Variants in GRM7 observed in about 807,000 individuals in gnomAD.
The protein encoded by GRM7 is glutamate metabotropic receptor 7.
In GRM7, 35 loss-of-function variants were observed where a neutral mutation model predicts 84.5. The ratio of observed to expected loss-of-function variants is 0.41; its 90% CI spans 0.32 to 0.55. The LOEUF (loss-of-function observed/expected upper bound fraction) is 0.55. Among genes scored for constraint, GRM7 ranks in the 20% least tolerant of loss-of-function variants. The probability of loss-of-function intolerance (pLI) is 0.19; values close to 1 mark genes in which losing one functional copy is unlikely to be tolerated. For synonymous variants in GRM7, 487 were observed against 455.1 expected (o/e 1.07, Z -0.89); for missense variants, 1,003 against 1,194.6 (o/e 0.84, Z 2.36).
chr3:7,031,392 T>C (rs921199569), intron 1 of GRM7, among the ~76,000 whole-genome samples: 20 of 150,592 alleles, frequency 1.3e-4, no homozygotes, highest in African/African-American at 5.0e-5. Flanking sequence ...AATACTTTTT[T>C]TAAATTTTTT....
At position 7,693,669 on chromosome 3, in the gene GRM7, C is replaced by A. The variant is rs767286614; in HGVS notation, c.2698+13374C>A. On this transcript the variant is annotated intron_variant, in intron 9 of 9. Transcript: ENST00000357716. ...AACTGCTACTGACCATCTGCACTGG[C>A]ATCTAGTCAAGCGATTGTCTGAGGC... 70 of 1,529,316 alleles carry A rather than the reference C, an allele frequency of 4.6e-5. No individual in the cohort carries two copies. The South Asian group carries it at 8.2e-4, about 18-fold the overall frequency. The allele number at this position is 1,529,316 out of a possible 1,614,324, so 94.7% of individuals were successfully genotyped here. A position where few individuals can be genotyped will look rare whatever the true frequency, so the allele number is the denominator to read the frequency against.
intron 1 of GRM7, among the ~76,000 whole-genome samples, chr3:7,056,510 G>A (rs1697227260): frequency 6.6e-6 from 1 of 151,918 alleles, no homozygotes; most frequent in Non-Finnish European, 1.5e-5. Context: ...GAGACATTTA[G>A]GACCACAAAA....
At chr3:7,005,597 C>T (rs1449082554) in intron 1 of GRM7, among the ~76,000 whole-genome samples, 3 of 152,170 alleles carry the variant, frequency 2.0e-5, no homozygotes, top group Admixed American at 6.5e-5. Flanking sequence ...TAACTTGGCT[C>T]ATCATGAAAC....
intron 4 of GRM7, among the ~76,000 whole-genome samples, chr3:7,326,942 A>G (rs1203565552): frequency 6.6e-6 from 1 of 152,118 alleles, no homozygotes; most frequent in African/African-American, 2.4e-5. Flanking sequence ...TATCAAAATT[A>G]TATTTAAATA....
chr3:6,888,758 A>G (rs1387554864), intron 1 of GRM7, among the ~76,000 whole-genome samples: 1 of 152,048 alleles, frequency 6.6e-6, no homozygotes, highest in Admixed American at 6.6e-5. Flanking sequence ...GTTTTTTCCA[A>G]TTCTGTGAAG....
chr3:6,950,476 G>A (rs1441521614), intron 1 of GRM7, among the ~76,000 whole-genome samples: 1 of 152,198 alleles, frequency 6.6e-6, no homozygotes, highest in Non-Finnish European at 1.5e-5. Flanking sequence ...ACTGGGGGGT[G>A]CCTCCCAGTT....
At chr3:6,888,755 C>G (rs1022748289) in intron 1 of GRM7, among the ~76,000 whole-genome samples, 4 of 152,046 alleles carry the variant, frequency 2.6e-5, no homozygotes, top group African/African-American at 9.7e-5. Context: ...GTAGTTTTTT[C>G]CAATTCTGTG....
intron 4 of GRM7, among the ~76,000 whole-genome samples, chr3:7,397,191 T>C (rs1472660358): frequency 6.6e-6 from 1 of 152,180 alleles, no homozygotes; most frequent in Non-Finnish European, 1.5e-5. Flanking sequence ...AACAAACTTA[T>C]CACCCAGGGA....
At chr3:7,402,327 G>A (rs1294503649) in intron 4 of GRM7, among the ~76,000 whole-genome samples, 1 of 152,174 alleles carries the variant, frequency 6.6e-6, no homozygotes, top group African/African-American at 2.4e-5. Context: ...AAAACAAGAT[G>A]TAGTTGTCTA....
intron 2 of GRM7, among the ~76,000 whole-genome samples, chr3:7,257,342 C>G (rs552374853): frequency 2.6e-5 from 4 of 152,262 alleles, no homozygotes; most frequent in African/African-American, 9.6e-5. Flanking sequence ...CTTGATCATT[C>G]AAGATCAAAA....
At chr3:7,195,971 A>ATTTATTGTG (rs1459797284) in intron 2 of GRM7, among the ~76,000 whole-genome samples, 1 of 152,134 alleles carries the variant, frequency 6.6e-6, no homozygotes, top group African/African-American at 2.4e-5. Flanking sequence ...ATACAGGTAT[A>ATTTATTGTG]CTTGTATATC....
At chr3:7,620,991 G>T (rs1218860384) in intron 8 of GRM7, among the ~76,000 whole-genome samples, 1 of 152,046 alleles carries the variant, frequency 6.6e-6, no homozygotes, top group East Asian at 1.9e-4. Context: ...TTAATTTCCA[G>T]GGTGTCGTAG....
At chr3:7,688,972 C>T (rs1274629263) in intron 9 of GRM7, among the ~76,000 whole-genome samples, 6 of 152,218 alleles carry the variant, frequency 3.9e-5, no homozygotes, top group Admixed American at 2.6e-4. Flanking sequence ...ATACTTTCTG[C>T]ATCCTTTACA....
chr3:7,084,083 G>A (rs1270755107), intron 1 of GRM7, among the ~76,000 whole-genome samples: 5 of 152,102 alleles, frequency 3.3e-5, no homozygotes, highest in Admixed American at 6.6e-5. Flanking sequence ...GGGGCAGGGG[G>A]CAGGGATCTG....
chr3:7,094,091 C>T (rs1698770506), intron 1 of GRM7, among the ~76,000 whole-genome samples: 1 of 151,952 alleles, frequency 6.6e-6, no homozygotes, highest in Non-Finnish European at 1.5e-5. Flanking sequence ...ACTAGAAATA[C>T]AGCAGAGAAT....
At chr3:7,134,450 A>G (rs1486952951) in intron 1 of GRM7, among the ~76,000 whole-genome samples, 2 of 152,048 alleles carry the variant, frequency 1.3e-5, no homozygotes, top group Non-Finnish European at 2.9e-5. Flanking sequence ...CATCATCATC[A>G]TCATCATCAG....
At chr3:7,325,876 C>G (rs1212911586) in intron 4 of GRM7, among the ~76,000 whole-genome samples, 2 of 152,002 alleles carry the variant, frequency 1.3e-5, no homozygotes, top group African/African-American at 2.4e-5. Context: ...TTTTTTGTCT[C>G]TCTCTCGACA....
At chr3:7,226,104 T>A (rs747497940) in intron 2 of GRM7, among the ~76,000 whole-genome samples, 45 of 152,194 alleles carry the variant, frequency 3.0e-4, no homozygotes, top group Non-Finnish European at 5.9e-4. Flanking sequence ...AGGTGCTGAG[T>A]CTCATCAAGT....
intron 4 of GRM7, among the ~76,000 whole-genome samples, chr3:7,414,017 C>T (rs1461447483): frequency 6.6e-6 from 1 of 152,022 alleles, no homozygotes; most frequent in African/African-American, 2.4e-5. Context: ...CTTCTCTAAG[C>T]CTTCATTTTT....
Sources: allele counts gnomAD v4.1 joint callset (sites outside exome capture counted in the v4.1 genomes callset), GRCh38; gene constraint gnomAD v4.1.1; transcripts MANE v1.5; gene names NCBI Gene and HGNC (gene_info 2026-07-23, HGNC 2026-07-21).